Variants in PTPRD observed in about 807,000 individuals in gnomAD.
The protein encoded by PTPRD is protein tyrosine phosphatase receptor type D, also known as receptor-type tyrosine-protein phosphatase delta.
In PTPRD, 34 loss-of-function variants were observed where a neutral mutation model predicts 214.5. The observed-to-expected ratio is 0.16, with a 90% CI of 0.12 to 0.21. The LOEUF (loss-of-function observed/expected upper bound fraction) is 0.21. Ranked by LOEUF, PTPRD falls within the 10% of genes least tolerant of loss-of-function variation. PTPRD has a pLI of 1.00. For missense variants in PTPRD, 2,545 were observed against 2,398.7 expected, an observed-to-expected ratio of 1.06 and a Z score of -1.27; for synonymous variants, 1,128 against 845.7, an observed-to-expected ratio of 1.33 and a Z score of -5.79.
At chr9:9,132,503 G>C (rs572987776) in intron 10 of PTPRD, among the ~76,000 whole-genome samples, 1 of 152,060 alleles carries the variant, frequency 6.6e-6, no homozygotes, top group African/African-American at 2.4e-5. Flanking sequence ...ATGAAACATG[G>C]GTCAAATTCA....
At chr9:9,729,763 T>C (rs1051737578) in intron 7 of PTPRD, among the ~76,000 whole-genome samples, 1 of 151,380 alleles carries the variant, frequency 6.6e-6, no homozygotes, top group African/African-American at 2.4e-5. Flanking sequence ...AAAAAAAAAA[T>C]TGTGAGAGAA....
chr9:10,033,632 A>C (rs1449311709), intron 4 of PTPRD, 86 bp downstream of exon 4: 1 of 152,090 alleles, frequency 6.6e-6, no homozygotes, highest in Non-Finnish European at 1.5e-5. Context: ...ACATCTTTTG[A>C]ATCATGCTAG....
At chr9:9,157,379 CTTAGA>C (rs2099882134) in intron 10 of PTPRD, among the ~76,000 whole-genome samples, 1 of 151,700 alleles carries the variant, frequency 6.6e-6, no homozygotes, top group South Asian at 2.1e-4. Flanking sequence ...TCAATAAACT[CTTAGA>C]TTAATGAGGA....
chr9:10,209,907 T>C (rs572101264), intron 3 of PTPRD, among the ~76,000 whole-genome samples: 70 of 152,296 alleles, frequency 4.6e-4, no homozygotes, highest in African/African-American at 1.6e-3. Context: ...CTGGTGCTTT[T>C]GTTTTGATTA....
Position 8,947,436 on chromosome 9 carries a change from C to T in PTPRD, c.-104+71261G>A, listed in dbSNP as rs564555568. On this transcript the variant is annotated intron_variant, in intron 11 of 45. Transcript: ENST00000381196. ...TGAGATCATGCCACTGAATTCCAGC[C>T]TGGATGACAGAGCGAGACTCTGTCT... Among the ~76,000 whole-genome samples, 21 of 143,630 alleles carry T rather than the reference C, an allele frequency of 1.5e-4. No individual in the cohort carries two copies. In the South Asian group the frequency reaches 4.6e-3, roughly 32 times the overall value. The allele number at this position is 143,630 out of a possible 152,430, so 94.2% of individuals were successfully genotyped here.
At chr9:9,951,445 C>G (rs973495660) in intron 4 of PTPRD, among the ~76,000 whole-genome samples, 5 of 152,110 alleles carry the variant, frequency 3.3e-5, no homozygotes, top group Admixed American at 1.3e-4. Context: ...AAAAATGAAA[C>G]AAAATTCATG....
At chr9:9,120,660 TCTC>T (rs1411688484) in intron 10 of PTPRD, among the ~76,000 whole-genome samples, 1 of 152,168 alleles carries the variant, frequency 6.6e-6, no homozygotes, top group Admixed American at 6.5e-5. Flanking sequence ...AAATTCATCT[TCTC>T]AGGTCCCAGC....
intron 8 of PTPRD, among the ~76,000 whole-genome samples, chr9:9,498,529 G>C (rs895883910): frequency 6.6e-6 from 1 of 152,076 alleles, no homozygotes; most frequent in African/African-American, 2.4e-5. Context: ...CAGTATTTAA[G>C]AAGTAGATAT....
intron 5 of PTPRD, among the ~76,000 whole-genome samples, chr9:9,891,742 A>G (rs2073416623): frequency 6.6e-6 from 1 of 152,102 alleles, no homozygotes; most frequent in South Asian, 2.1e-4. Context: ...GAATAGTATG[A>G]CTGGACTTTA....
chr9:9,881,233 G>A (rs892654695), intron 5 of PTPRD, among the ~76,000 whole-genome samples: 1 of 152,040 alleles, frequency 6.6e-6, no homozygotes, highest in African/African-American at 2.4e-5. Flanking sequence ...AGAGTAAACA[G>A]CTACTTTGGG....
intron 39 of PTPRD, among the ~76,000 whole-genome samples, chr9:8,358,942 C>T (rs1485741040): frequency 6.7e-6 from 1 of 150,200 alleles, no homozygotes; most frequent in African/African-American, 2.5e-5. Context: ...CCCGTCTCTA[C>T]TAAAAATACA....
At chr9:9,642,367 T>A (rs1308841178) in intron 7 of PTPRD, among the ~76,000 whole-genome samples, 1 of 151,310 alleles carries the variant, frequency 6.6e-6, no homozygotes, top group African/African-American at 2.4e-5. Flanking sequence ...TATACATATG[T>A]AACTAACCTG....
At chr9:8,977,944 T>A (rs2099277787) in intron 11 of PTPRD, among the ~76,000 whole-genome samples, 1 of 152,116 alleles carries the variant, frequency 6.6e-6, no homozygotes, top group East Asian at 1.9e-4. Flanking sequence ...TATTCAATTT[T>A]AAATTGTTTA....
intron 14 of PTPRD, among the ~76,000 whole-genome samples, chr9:8,543,636 T>C (rs2079060543): frequency 6.6e-6 from 1 of 152,222 alleles, no homozygotes; most frequent in African/African-American, 2.4e-5. Context: ...TGGGCACATG[T>C]TGTCATTTTT....
intron 12 of PTPRD, among the ~76,000 whole-genome samples, chr9:8,688,926 TTAG>T (rs1286699158): frequency 8.5e-5 from 13 of 152,196 alleles, no homozygotes; most frequent in Non-Finnish European, 1.3e-4. Context: ...ATTCATATCA[TTAG>T]TACCATCAAC....
chr9:9,530,936 A>G (rs2075328764), intron 8 of PTPRD, among the ~76,000 whole-genome samples: 1 of 152,138 alleles, frequency 6.6e-6, no homozygotes, highest in South Asian at 2.1e-4. Context: ...GAGTACAAAC[A>G]TACAGTTAGA....
At chr9:9,500,430 G>C (rs2096370691) in intron 8 of PTPRD, among the ~76,000 whole-genome samples, 1 of 152,054 alleles carries the variant, frequency 6.6e-6, no homozygotes, top group South Asian at 2.1e-4. Context: ...AGCAGTACAG[G>C]AAGGTACAGC....
chr9:9,948,512 AAGTAAAATG>A (rs776879064), intron 4 of PTPRD, among the ~76,000 whole-genome samples: 410 of 152,228 alleles, frequency 2.7e-3, no homozygotes, highest in Non-Finnish European at 3.8e-3. Flanking sequence ...AGGATAATAA[AAGTAAAATG>A]TAGAGATAAA....
chr9:10,361,055 TGGAG>T, intron 2 of PTPRD, among the ~76,000 whole-genome samples: 1 of 152,148 alleles, frequency 6.6e-6, no homozygotes, highest in Non-Finnish European at 1.5e-5. Context: ...TGAGCCGAGA[TGGAG>T]CCACTGCACT....
Sources: gnomAD v4.1 joint callset for allele counts (sites outside exome capture counted in the v4.1 genomes callset) on GRCh38, gnomAD v4.1.1 for gene constraint, MANE v1.5 for transcripts, NCBI Gene and HGNC (gene_info 2026-07-23, HGNC 2026-07-21) for gene names.